Variants in ROBO2 observed in about 807,000 individuals in gnomAD.
ROBO2 encodes the protein roundabout homolog 2.
In ROBO2, 53 loss-of-function variants were observed where a neutral mutation model predicts 160.8. The observed-to-expected ratio is 0.33, with a 90% confidence interval of 0.26 to 0.41. The LOEUF (loss-of-function observed/expected upper bound fraction) is 0.41. Among genes scored for constraint, ROBO2 ranks in the 10% least tolerant of loss-of-function variants. ROBO2 has a pLI of 1.00. For synonymous variants in ROBO2, 664 were observed against 611.7 expected, an observed-to-expected ratio of 1.09 and a Z score of -1.26; for missense variants, 1,577 against 1,722.4, an observed-to-expected ratio of 0.92 and a Z score of 1.49.
chr3:76,232,147 C>T (rs761785869), intron 2 of ROBO2, among the ~76,000 whole-genome samples: 1 of 152,146 alleles, frequency 6.6e-6, no homozygotes, highest in Middle Eastern at 3.4e-3. Context: ...AGCAAGATCA[C>T]TAAGAAAAGC....
At chr3:76,046,889 G>T (rs2067470625) in intron 2 of ROBO2, among the ~76,000 whole-genome samples, 1 of 150,558 alleles carries the variant, frequency 6.6e-6, no homozygotes, top group Non-Finnish European at 1.5e-5. Context: ...TCAAATTTGT[G>T]CTCTGCCCTG....
At chr3:76,608,909 T>C (rs1030116070) in intron 2 of ROBO2, among the ~76,000 whole-genome samples, 2 of 152,152 alleles carry the variant, frequency 1.3e-5, no homozygotes, top group African/African-American at 2.4e-5. Context: ...TGTAGTCTTT[T>C]TTCCCTCACC....
chr3:76,648,116 A>G (rs1178860277), intron 2 of ROBO2, among the ~76,000 whole-genome samples: 1 of 152,016 alleles, frequency 6.6e-6, no homozygotes, highest in Non-Finnish European at 1.5e-5. Flanking sequence ...TTGGGATATT[A>G]GTGTACATTG....
chr3:76,279,055 G>A (rs2107661966), intron 2 of ROBO2, among the ~76,000 whole-genome samples: 1 of 151,628 alleles, frequency 6.6e-6, no homozygotes, highest in South Asian at 2.1e-4. Flanking sequence ...AAACATTTAT[G>A]TATAGAAAAT....
chr3:77,385,469 C>A (rs191811875), intron 2 of ROBO2, among the ~76,000 whole-genome samples: 1 of 152,214 alleles, frequency 6.6e-6, no homozygotes, highest in African/African-American at 2.4e-5. Context: ...TAATGGTACC[C>A]AAGCGACATT....
At chr3:77,411,692 A>G (rs2076816458) in intron 2 of ROBO2, among the ~76,000 whole-genome samples, 1 of 152,220 alleles carries the variant, frequency 6.6e-6, no homozygotes, top group Non-Finnish European at 1.5e-5. Context: ...GTATATGTAT[A>G]TTTATGCATA....
intron 2 of ROBO2, among the ~76,000 whole-genome samples, chr3:76,374,828 A>G (rs2076265284): frequency 6.6e-6 from 1 of 152,030 alleles, no homozygotes; most frequent in South Asian, 2.1e-4. Context: ...AGCCTTAAGA[A>G]GACCATAGCT....
chr3:76,662,202 C>T (rs758701781), intron 2 of ROBO2, among the ~76,000 whole-genome samples: 25 of 152,056 alleles, frequency 1.6e-4, no homozygotes, highest in Non-Finnish European at 2.4e-4. Flanking sequence ...AGGTGGGGGC[C>T]TTGGAATTTT....
At chr3:77,468,180 C>T (rs375503296) in intron 2 of ROBO2, among the ~76,000 whole-genome samples, 1 of 152,304 alleles carries the variant, frequency 6.6e-6, no homozygotes, top group Non-Finnish European at 1.5e-5. Context: ...ACAGCTTCCT[C>T]ATAAGCTAAT....
chr3:76,992,273 C>A (rs979350087), intron 2 of ROBO2, among the ~76,000 whole-genome samples: 3 of 145,038 alleles, frequency 2.1e-5, no homozygotes, highest in East Asian at 2.0e-4. Context: ...CTCCAAATAC[C>A]CTTGCATTTC....
chr3:76,495,221 T>TG (rs1345627545), intron 2 of ROBO2, among the ~76,000 whole-genome samples: 2 of 151,394 alleles, frequency 1.3e-5, no homozygotes, highest in African/African-American at 4.9e-5. Flanking sequence ...TCCTTTTTTT[T>TG]TTTTTTTTAT....
intron 2 of ROBO2, among the ~76,000 whole-genome samples, chr3:76,022,796 C>T (rs1021252837): frequency 6.6e-6 from 1 of 151,698 alleles, no homozygotes; most frequent in African/African-American, 2.4e-5. Context: ...CTTCAATTTA[C>T]CAGCTGCATT....
At chr3:76,318,931 T>A (rs1223656467) in intron 2 of ROBO2, among the ~76,000 whole-genome samples, 1 of 152,148 alleles carries the variant, frequency 6.6e-6, no homozygotes, top group Non-Finnish European at 1.5e-5. Flanking sequence ...ATTATGTGAA[T>A]CAGATAATGA....
At chr3:76,008,270 TC>T (rs1159320245) in intron 2 of ROBO2, among the ~76,000 whole-genome samples, 1 of 140,208 alleles carries the variant, frequency 7.1e-6, no homozygotes. Context: ...GAAAAAAAAA[TC>T]GCTGCTAAAT....
At chr3:76,014,328 A>G (rs1191272311) in intron 2 of ROBO2, among the ~76,000 whole-genome samples, 1 of 142,266 alleles carries the variant, frequency 7.0e-6, no homozygotes, top group Non-Finnish European at 1.6e-5. Context: ...TCCCAGAAGT[A>G]ATATGTATAA....
At chr3:76,472,086 T>A (rs890397527) in intron 2 of ROBO2, among the ~76,000 whole-genome samples, 1 of 125,800 alleles carries the variant, frequency 7.9e-6, no homozygotes, top group African/African-American at 3.0e-5. Context: ...TGTGTGTGTG[T>A]GTGTGTGTGT....
chr3:76,756,687 T>C (rs531909412), intron 2 of ROBO2, among the ~76,000 whole-genome samples: 1 of 151,996 alleles, frequency 6.6e-6, no homozygotes, highest in East Asian at 2.0e-4. Flanking sequence ...GTTTTCCTAC[T>C]GGATAGCGGC....
intron 2 of ROBO2, among the ~76,000 whole-genome samples, chr3:77,470,613 A>G (rs1420255469): frequency 1.3e-5 from 2 of 152,202 alleles, no homozygotes; most frequent in Non-Finnish European, 2.9e-5. Flanking sequence ...TTAAAAATAG[A>G]TTAAAAGTGT....
At chr3:77,369,176 G>A (rs983952817) in intron 2 of ROBO2, among the ~76,000 whole-genome samples, 6 of 152,074 alleles carry the variant, frequency 3.9e-5, no homozygotes, top group South Asian at 2.1e-4. Context: ...TGAAGTGCCC[G>A]GGGTGTGCTT....
Sources: allele counts gnomAD v4.1 joint callset (sites outside exome capture counted in the v4.1 genomes callset), GRCh38; gene constraint gnomAD v4.1.1; transcripts MANE v1.5; gene names NCBI Gene and HGNC (gene_info 2026-07-23, HGNC 2026-07-21).